The following FRYL variants were observed in gnomAD, a reference collection of about 807,000 sequenced individuals.
FRYL encodes FRY like transcription coactivator, also known as protein furry homolog-like.
FRYL carries 150 observed loss-of-function variants against 351.2 expected under a neutral mutation model. That is an observed-to-expected ratio of 0.43 (90% CI 0.37 to 0.49). The LOEUF is 0.49. Ranked by LOEUF, FRYL falls within the 20% of genes least tolerant of loss-of-function variation. The pLI is 0.00. For missense variants in FRYL, 3,036 were observed against 3,619.3 expected, an observed-to-expected ratio of 0.84 and a Z score of 4.13; for synonymous variants, 1,153 against 1,257.1, an observed-to-expected ratio of 0.92 and a Z score of 1.75.
Position 48,606,536 on chromosome 4 carries a change from CAT to C in FRYL, c.641_642del (p.His214ArgfsTer26), listed in dbSNP as rs1560702688. 1.2e-6 allele frequency: 2 copies of C among 1,613,280 alleles called. No homozygotes were observed. Among genetic ancestry groups the C allele is most frequent in the Non-Finnish European group, 8.5e-7 (1 of 1,179,378 alleles). Reference protein sequence around the residue: ...KELRQKEQSPHVVQSVISLIM... With the variant: ...KELRQKEQSPXVVQSVISLIM... ...ATTAAGCTGATGACACTTTGTACCA[CAT>C]GTGGGCTTTGTTCCTTTTGTCGCAG... On this transcript the variant is annotated frameshift_variant, in exon 10 of 64. Coordinates refer to ENST00000358350, the MANE Select transcript of FRYL (RefSeq NM_015030.2). LOFTEE classifies it high-confidence loss of function.
chr4:48,695,598 C>T (rs1465530688), intron 2 of FRYL, among the ~76,000 whole-genome samples: 2 of 151,800 alleles, frequency 1.3e-5, no homozygotes, highest in African/African-American at 2.4e-5. Context: ...TAATAAACTG[C>T]AAAATTATGA....
chr4:48,515,274 T>A lies in FRYL; in HGVS notation c.7691A>T (p.Asp2564Val), dbSNP rs1249442972. The A allele has an allele frequency of 6.3e-7, 1 of 1,599,438 alleles. No homozygotes were observed. Among genetic ancestry groups the A allele is most frequent in the Non-Finnish European group, 8.5e-7 (1 of 1,170,688 alleles). Residue 2564 changes from aspartate to valine, a missense_variant and splice_region_variant, in exon 56 of 64, where the codon GAT (aspartate) becomes GTT (valine). Around this residue, in one of 7 missense-constraint regions of FRYL, gnomAD observed 1,987 missense variants for 2,311.7 expected, o/e 0.86. Transcript: ENST00000358350. ...LDNANSRLPEDTTSVLKEEHV... is the reference protein window; with the variant it reads ...LDNANSRLPEVTTSVLKEEHV... The stretch of plus-strand genomic sequence containing the variant: ...TTCCTCCTTTAATACTGAAGTTGTA[T>A]CCTACAAAACAATCATAGTTTTAGT...
At chr4:48,746,413 C>T (rs187897136) in intron 1 of FRYL, among the ~76,000 whole-genome samples, 4 of 151,852 alleles carry the variant, frequency 2.6e-5, no homozygotes, top group African/African-American at 9.7e-5. Context: ...GGCATGGTGG[C>T]GGGTGCCTGT....
At chr4:48,681,842 T>A (rs1412991762) in intron 3 of FRYL, among the ~76,000 whole-genome samples, 4 of 152,142 alleles carry the variant, frequency 2.6e-5, no homozygotes, top group African/African-American at 4.8e-5. Context: ...ATAAACACAG[T>A]CATCAACATT....
chr4:48,526,172 G>A (rs1273794151), intron 53 of FRYL, among the ~76,000 whole-genome samples: 1 of 152,178 alleles, frequency 6.6e-6, no homozygotes, highest in Non-Finnish European at 1.5e-5. Flanking sequence ...AGAGCTAAAT[G>A]TATTTGAGCT....
intron 26 of FRYL, chr4:48,571,551 A>G (rs1302600375): frequency 1.6e-6 from 1 of 625,920 alleles, no homozygotes; most frequent in Non-Finnish European, 2.0e-6. Context: ...TCATTATTTC[A>G]TTTGTGATGT....
chr4:48,575,645 C>A (rs1473732267), intron 24 of FRYL, among the ~76,000 whole-genome samples: 1 of 152,174 alleles, frequency 6.6e-6, no homozygotes, highest in Non-Finnish European at 1.5e-5. Context: ...TTATCAAGTA[C>A]CCTTTAGATC....
In FRYL at chr4:48,510,890, A is replaced by C; in HGVS notation, c.8240T>G (p.Leu2747Trp). Reference sequence around the variant, plus strand: ...TTCTGAACACAGCATCATCACTTCCAAGGAACTTTTAAATTTGGTACCAAT... The same window carrying C: ...TTCTGAACACAGCATCATCACTTCCCAGGAACTTTTAAATTTGGTACCAAT... ...QRIGTKFKSS[L>W]EVMMLCSECP... Residue 2747 changes from leucine to tryptophan, a missense_variant, in exon 58 of 64, where the codon TTG (leucine) becomes TGG (tryptophan). Physicochemically the swap from Leu to Trp is moderately conservative, Grantham distance 61. This residue lies in a region of FRYL where 1,987 missense variants were observed against 2,311.7 expected (regional missense o/e 0.86). Transcript: ENST00000358350. 6.2e-7 allele frequency: 1 copy of C among 1,613,312 alleles called. No homozygotes were observed. The highest frequency in any genetic ancestry group is 8.5e-7 in the Non-Finnish European group (1 of 1,179,436).
In FRYL at chr4:48,539,955, C is replaced by T. The variant is rs778931185; in HGVS notation, c.6393+16G>A. The T allele has an allele frequency of 5.8e-6, 9 of 1,556,370 alleles. No individual in the cohort carries two copies. Among genetic ancestry groups the T allele is most frequent in the Middle Eastern group, 1.7e-4 (1 of 5,940 alleles). On this transcript the variant is annotated intron_variant, in intron 47 of 63. Coordinates refer to ENST00000358350, the MANE Select transcript of FRYL (RefSeq NM_015030.2). Reference sequence around the variant, plus strand: ...ATTTCCCTATAGTGTTACCTTTCAGCATAACATTTGCTTACCTTTGCTATT... The same window carrying T: ...ATTTCCCTATAGTGTTACCTTTCAGTATAACATTTGCTTACCTTTGCTATT...
At chr4:48,512,418 A>G in intron 57 of FRYL, 63 bp downstream of exon 57, 3 of 1,331,258 alleles carry the variant, frequency 2.3e-6, no homozygotes, top group Non-Finnish European at 3.1e-6. Flanking sequence ...TGATTTTAGA[A>G]GAAAAACTGT....
chr4:48,537,552 A>G (rs561173449), intron 47 of FRYL, among the ~76,000 whole-genome samples: 1 of 152,234 alleles, frequency 6.6e-6, no homozygotes, highest in Non-Finnish European at 1.5e-5. Flanking sequence ...CTCTACAGTT[A>G]TAAGTGGGAG....
chr4:48,764,764 A>C (rs1237010753), intron 1 of FRYL, among the ~76,000 whole-genome samples: 2 of 152,204 alleles, frequency 1.3e-5, no homozygotes, highest in Non-Finnish European at 1.5e-5. Flanking sequence ...TTGTAAAAAC[A>C]ACCATACTAC....
rs374283149 is a variant in FRYL, at chr4:48,573,205, G to A, written c.2885C>T (p.Ala962Val). ...IEELHPIIKE[A>V]LERRPENMKR... ...GCTCACCTCTGGCCTTCTTTCGAGT[G>A]CTTCTTTAATTATGGGATGTAATTC... The change falls in exon 26 of 64, where the codon GCA (alanine) becomes GTA (valine). Residue 962 changes from alanine (A) to valine (V), a missense_variant. Physicochemically the swap from Ala to Val is moderately conservative, Grantham distance 64 (BLOSUM62 0). Coordinates refer to ENST00000358350, the MANE Select transcript of FRYL (RefSeq NM_015030.2). 13 of 1,612,312 alleles carry A rather than the reference G, an allele frequency of 8.1e-6. No homozygotes were observed. In the African/African-American group the frequency reaches 1.7e-4, roughly 22 times the overall value.
chr4:48,526,980 T>A (rs1018988566), intron 53 of FRYL, among the ~76,000 whole-genome samples: 11 of 152,122 alleles, frequency 7.2e-5, no homozygotes, highest in Admixed American at 4.6e-4. Flanking sequence ...CTTTGTGATA[T>A]GTCAATTTAG....
intron 2 of FRYL, among the ~76,000 whole-genome samples, chr4:48,706,958 T>C (rs926070230): frequency 1.3e-5 from 2 of 152,132 alleles, no homozygotes; most frequent in Non-Finnish European, 2.9e-5. Context: ...CCCCAGAAGA[T>C]ACTTGGATTG....
rs1184007291 is a variant in FRYL, at chr4:48,535,831, G to C, written c.6394-4C>G. 1 of 1,496,890 alleles carries C rather than the reference G, an allele frequency of 6.7e-7. No homozygotes were observed. 92.7% of individuals were successfully genotyped at this position (1,496,890 alleles called of 1,614,324 possible). Reference sequence around the variant, plus strand: ...GGCATTTTTCTTCTGCACAAACCTAGAAAACAAATAAAATTATTTCATTCA... The same window carrying C: ...GGCATTTTTCTTCTGCACAAACCTACAAAACAAATAAAATTATTTCATTCA... On this transcript the variant is annotated splice_region_variant and splice_polypyrimidine_tract_variant and intron_variant, in intron 47 of 63. Coordinates refer to ENST00000358350, the MANE Select transcript of FRYL (RefSeq NM_015030.2).
At chr4:48,679,723 T>C (rs374255785) in intron 3 of FRYL, among the ~76,000 whole-genome samples, 35 of 152,154 alleles carry the variant, frequency 2.3e-4, no homozygotes, top group East Asian at 1.2e-3. Flanking sequence ...TCTGAGATGA[T>C]AGATATGCTA....
chr4:48,533,666 C>T (rs563961879), intron 49 of FRYL, among the ~76,000 whole-genome samples: 1 of 152,312 alleles, frequency 6.6e-6, no homozygotes, highest in East Asian at 1.9e-4. Flanking sequence ...CTGATCTGCT[C>T]AGCAATGCAA....
At position 48,549,057 on chromosome 4, in the gene FRYL, C is replaced by T. The variant is rs568713433; in HGVS notation, c.4785-264G>A. Among the ~76,000 whole-genome samples, 1 of 152,320 alleles carries T rather than the reference C, an allele frequency of 6.6e-6. No individual in the cohort carries two copies. Among genetic ancestry groups the T allele is most frequent in the Admixed American group, 6.5e-5 (1 of 15,292 alleles). ...TTCAACCTTGAGACTTAGCACACTG[C>T]TTGCCACAGTAGGTGTTCAATACAT... is the stretch of plus-strand genomic sequence containing the variant. On this transcript the variant is annotated intron_variant, in intron 39 of 63. Coordinates refer to ENST00000358350, the MANE Select transcript of FRYL (RefSeq NM_015030.2). The surrounding 1 kb of genome is among the most constrained non-coding windows in gnomAD (Gnocchi z 4.2).
Sources: allele counts gnomAD v4.1 joint callset (sites outside exome capture counted in the v4.1 genomes callset), GRCh38; gene constraint gnomAD v4.1.1; regional missense constraint gnomAD v4.1.1; non-coding constraint Gnocchi (gnomAD v3.1); transcripts MANE v1.5; gene names NCBI Gene and HGNC (gene_info 2026-07-23, HGNC 2026-07-21).